WWOX: variants seen among roughly 807,000 people sequenced by gnomAD.
WWOX encodes WW domain-containing oxidoreductase.
Under a neutral mutation model 46.2 loss-of-function variants are expected in WWOX, and 69 were observed. The observed-to-expected ratio is 1.49, with a 90% CI of 1.23 to 1.82. The LOEUF (loss-of-function observed/expected upper bound fraction) is 1.82. WWOX is among the 40% of genes most tolerant of loss of function. The pLI, the probability that WWOX is intolerant of heterozygous loss-of-function variation, is 0.00. For synonymous variants in WWOX, 359 were observed against 202.6 expected (o/e 1.77, Z -6.56); for missense variants, 919 against 542.6 (o/e 1.69, Z -6.89).
At chr16:78,500,925 A>G (rs905921849) in intron 8 of WWOX, among the ~76,000 whole-genome samples, 5 of 152,138 alleles carry the variant, frequency 3.3e-5, no homozygotes, top group African/African-American at 1.2e-4. Context: ...CTTTCTCTGG[A>G]CGGCCAAGTG....
At chr16:78,356,360 A>C (rs967309384) in intron 5 of WWOX, among the ~76,000 whole-genome samples, 2 of 152,170 alleles carry the variant, frequency 1.3e-5, no homozygotes, top group Admixed American at 1.3e-4. Context: ...AGCACAACCT[A>C]TTTAAGTAGT....
chr16:79,000,202 C>T (rs527276143), intron 8 of WWOX, among the ~76,000 whole-genome samples: 7 of 152,152 alleles, frequency 4.6e-5, no homozygotes, highest in South Asian at 2.1e-4. Context: ...TCACACGGCA[C>T]GTCATTGGCA....
intron 8 of WWOX, among the ~76,000 whole-genome samples, chr16:78,642,247 T>G (rs1449534955): frequency 6.6e-6 from 1 of 152,198 alleles, no homozygotes; most frequent in Non-Finnish European, 1.5e-5. Flanking sequence ...GTTGACTTAC[T>G]GCAAGGTTAA....
chr16:78,156,832 G>A (rs2034623317), intron 4 of WWOX, among the ~76,000 whole-genome samples: 1 of 152,178 alleles, frequency 6.6e-6, no homozygotes, highest in Non-Finnish European at 1.5e-5. Flanking sequence ...ACTGAGACAC[G>A]AGAATCGCTT....
intron 8 of WWOX, among the ~76,000 whole-genome samples, chr16:78,760,061 C>A (rs1364411582): frequency 6.6e-6 from 1 of 152,104 alleles, no homozygotes; most frequent in Non-Finnish European, 1.5e-5. Context: ...TAAAGACATA[C>A]CCAAAACTGG....
At chr16:78,230,733 C>T (rs1371221261) in intron 5 of WWOX, among the ~76,000 whole-genome samples, 2 of 152,154 alleles carry the variant, frequency 1.3e-5, no homozygotes, top group East Asian at 3.9e-4. Flanking sequence ...AAGGCAAATT[C>T]ACTTTGAGCA....
intron 8 of WWOX, among the ~76,000 whole-genome samples, chr16:78,471,067 T>C (rs1252094795): frequency 6.6e-6 from 1 of 152,228 alleles, no homozygotes; most frequent in Non-Finnish European, 1.5e-5. Context: ...CTTCCTACCC[T>C]GGATGCTGAT....
intron 8 of WWOX, among the ~76,000 whole-genome samples, chr16:79,063,100 C>G (rs1235925407): frequency 6.6e-6 from 1 of 152,196 alleles, no homozygotes; most frequent in Non-Finnish European, 1.5e-5. Context: ...AAATCTCCCA[C>G]CAAATCTGGA....
intron 8 of WWOX, among the ~76,000 whole-genome samples, chr16:78,594,845 C>G (rs1461230959): frequency 2.0e-5 from 3 of 152,196 alleles, no homozygotes; most frequent in Admixed American, 2.0e-4. Context: ...TTCATAGTTT[C>G]TCTGTTTCAA....
intron 5 of WWOX, among the ~76,000 whole-genome samples, chr16:78,165,603 G>A (rs568229583): frequency 2.0e-5 from 3 of 152,256 alleles, no homozygotes; most frequent in East Asian, 1.9e-4. Flanking sequence ...ATAGAGCAGC[G>A]TGTTTGGGAG....
chr16:78,269,251 A>T (rs1226262284), intron 5 of WWOX: 4 of 152,222 alleles, frequency 2.6e-5, no homozygotes, highest in African/African-American at 4.8e-5. Context: ...ACGTGACTTT[A>T]TGCTGCAAGA....
At chr16:78,231,459 C>T (rs986106134) in intron 5 of WWOX, among the ~76,000 whole-genome samples, 1 of 152,148 alleles carries the variant, frequency 6.6e-6, no homozygotes, top group African/African-American at 2.4e-5. Context: ...CTCAGGTGGC[C>T]ATCGAAAATA....
At chr16:78,257,136 G>T (rs574986278) in intron 5 of WWOX, among the ~76,000 whole-genome samples, 21 of 151,964 alleles carry the variant, frequency 1.4e-4, no homozygotes, top group Non-Finnish European at 2.8e-4. Flanking sequence ...CTACTAGATT[G>T]TTTAAAGAAG....
intron 8 of WWOX, among the ~76,000 whole-genome samples, chr16:78,999,304 C>G (rs931813651): frequency 2.6e-5 from 4 of 152,080 alleles, no homozygotes; most frequent in Admixed American, 2.0e-4. Flanking sequence ...AACCCCGTCT[C>G]TACTAAAAAT....
At chr16:78,828,032 A>C (rs1292025216) in intron 8 of WWOX, among the ~76,000 whole-genome samples, 1 of 152,172 alleles carries the variant, frequency 6.6e-6, no homozygotes, top group East Asian at 1.9e-4. Context: ...CAAGAGGTGC[A>C]CATTGCTGCA....
intron 8 of WWOX, among the ~76,000 whole-genome samples, chr16:78,994,834 T>TA (rs2046955294): frequency 6.6e-6 from 1 of 152,044 alleles, no homozygotes; most frequent in Non-Finnish European, 1.5e-5. Flanking sequence ...GCCGTTGCAC[T>TA]AGGGCTCTTT....
intron 3 of WWOX, among the ~76,000 whole-genome samples, chr16:78,112,191 A>C (rs137894429): frequency 1.2e-3 from 185 of 152,338 alleles, no homozygotes; most frequent in East Asian, 9.6e-4. Flanking sequence ...CAGTATTTTC[A>C]AAGAATCTGA....
intron 8 of WWOX, among the ~76,000 whole-genome samples, chr16:78,624,977 T>A (rs1295725530): frequency 6.6e-6 from 1 of 152,152 alleles, no homozygotes; most frequent in African/African-American, 2.4e-5. Flanking sequence ...ATATCCTGGT[T>A]AATGTCCCCG....
intron 8 of WWOX, among the ~76,000 whole-genome samples, chr16:78,452,718 C>T (rs1282282220): frequency 4.6e-5 from 7 of 151,520 alleles, no homozygotes; most frequent in South Asian, 2.1e-4. Flanking sequence ...TCCATGTGAT[C>T]GGCCTGCCTT....
Sources: gnomAD v4.1 joint callset for allele counts (sites outside exome capture counted in the v4.1 genomes callset) on GRCh38, gnomAD v4.1.1 for gene constraint, MANE v1.5 for transcripts, NCBI Gene and HGNC (gene_info 2026-07-23, HGNC 2026-07-21) for gene names.